The following SEC24B variants were observed in gnomAD, a reference collection of about 807,000 sequenced individuals.
SEC24B encodes SEC24 homolog B, COPII component, also known as protein transport protein Sec24B.
Under a neutral mutation model 142.8 loss-of-function variants are expected in SEC24B, and 45 were observed. The observed-to-expected ratio is 0.32, with a 90% CI of 0.25 to 0.40. The LOEUF (loss-of-function observed/expected upper bound fraction) is 0.40, where lower values mean the gene tolerates loss of function less well. Ranked by LOEUF, SEC24B falls within the 10% of genes least tolerant of loss-of-function variation. The pLI is 1.00. For synonymous variants in SEC24B, 574 were observed against 568.2 expected, an observed-to-expected ratio of 1.01 and a Z score of -0.15; for missense variants, 1,409 against 1,526.8, an observed-to-expected ratio of 0.92 and a Z score of 1.29.
intron 1 of SEC24B, among the ~76,000 whole-genome samples, chr4:109,439,704 T>C (rs1728758157): frequency 6.7e-6 from 1 of 150,344 alleles, no homozygotes; most frequent in Non-Finnish European, 1.5e-5. Flanking sequence ...TTTCACTATA[T>C]TGATCAGGCT....
intron 4 of SEC24B, among the ~76,000 whole-genome samples, chr4:109,487,182 A>G (rs1285972401): frequency 3.3e-5 from 5 of 151,816 alleles, no homozygotes; most frequent in Admixed American, 2.0e-4. Flanking sequence ...AAAAAAAAAA[A>G]AAGAAAAGTG....
At position 109,508,642 on chromosome 4, in the gene SEC24B, A is replaced by C. The variant is rs544177311; in HGVS notation, c.1674-1367A>C. ...ACCCATAGGTAAGGGGAAGGCATAC[A>C]TTTTTCTACCCAGTTATGTGTGTTT... On this transcript the variant is annotated intron_variant, in intron 7 of 23. Transcript: ENST00000265175. Among the ~76,000 whole-genome samples, 5 of 152,292 alleles carry C rather than the reference A, an allele frequency of 3.3e-5. No individual in the cohort carries two copies. The South Asian group carries it at 1.0e-3, about 32-fold the overall frequency.
At chr4:109,485,075 G>A (rs1734210991) in intron 4 of SEC24B, among the ~76,000 whole-genome samples, 1 of 152,024 alleles carries the variant, frequency 6.6e-6, no homozygotes, top group South Asian at 2.1e-4. Flanking sequence ...CTCACATCCC[G>A]ACTTTTCACT....
chr4:109,513,000 A>G (rs1471959486), intron 9 of SEC24B, among the ~76,000 whole-genome samples: 33 of 102,306 alleles, frequency 3.2e-4, no homozygotes, highest in Admixed American at 4.9e-4. Flanking sequence ...TTGGAGATGG[A>G]GTCTCACTCT....
intron 22 of SEC24B, among the ~76,000 whole-genome samples, chr4:109,535,364 C>CA (rs1355175820): frequency 6.8e-6 from 1 of 146,292 alleles, no homozygotes; most frequent in Non-Finnish European, 1.5e-5. Flanking sequence ...CCATCCTGGC[C>CA]AACATGGTGA....
chr4:109,471,419 A>G (rs1225700498), intron 2 of SEC24B, among the ~76,000 whole-genome samples: 1 of 152,180 alleles, frequency 6.6e-6, no homozygotes, highest in African/African-American at 2.4e-5. Flanking sequence ...TGCTGGGATT[A>G]TAGGTATGAG....
At chr4:109,487,173 A>AG (rs1734453448) in intron 4 of SEC24B, among the ~76,000 whole-genome samples, 1 of 151,806 alleles carries the variant, frequency 6.6e-6, no homozygotes. Context: ...CTCAAAAAAA[A>AG]AAAAAAAAAA....
intron 1 of SEC24B, among the ~76,000 whole-genome samples, chr4:109,451,376 A>G (rs1438768637): frequency 7.2e-6 from 1 of 139,838 alleles, no homozygotes; most frequent in South Asian, 2.3e-4. Context: ...TTTTTTTTTT[A>G]AAGAAATGGA....
chr4:109,527,261 C>T, intron 17 of SEC24B, 61 bp from the exon 18 acceptor site: 1 of 1,075,912 alleles, frequency 9.3e-7, no homozygotes. Context: ...AAGTATTTGA[C>T]ATGTTTGCTT....
chr4:109,439,654 A>G (rs1181258742), intron 1 of SEC24B, among the ~76,000 whole-genome samples: 1 of 149,896 alleles, frequency 6.7e-6, no homozygotes, highest in Non-Finnish European at 1.5e-5. Flanking sequence ...GGCATGCGCC[A>G]CCATGCCTGG....
At chr4:109,436,382 A>G (rs1412575949) in intron 1 of SEC24B, among the ~76,000 whole-genome samples, 5 of 152,216 alleles carry the variant, frequency 3.3e-5, no homozygotes, top group Non-Finnish European at 7.3e-5. Flanking sequence ...TAGCCTTTTA[A>G]TATATCTCTA....
At chr4:109,521,030 A>G (rs1723552914) in intron 12 of SEC24B, 87 bp from the exon 13 acceptor site, 1 of 809,854 alleles carries the variant, frequency 1.2e-6, no homozygotes, top group Non-Finnish European at 2.1e-6. Flanking sequence ...TATAGTACAC[A>G]TTACATGTAT....
intron 8 of SEC24B, 57 bp downstream of exon 8, chr4:109,510,168 T>C (rs1298909556): frequency 1.1e-5 from 9 of 829,780 alleles, no homozygotes; most frequent in African/African-American, 1.8e-5. Context: ...ATGTACAAGG[T>C]ACTTAAATTT....
chr4:109,477,565 A>G (rs1733306664), intron 3 of SEC24B, among the ~76,000 whole-genome samples: 1 of 152,048 alleles, frequency 6.6e-6, no homozygotes, highest in Non-Finnish European at 1.5e-5. Flanking sequence ...GGCTCGAGTG[A>G]TTATCCCACC....
At chr4:109,458,781 TAGC>T (rs1396162310) in intron 1 of SEC24B, among the ~76,000 whole-genome samples, 1 of 152,002 alleles carries the variant, frequency 6.6e-6, no homozygotes, top group South Asian at 2.1e-4. Context: ...ATCAGAATGT[TAGC>T]AGGTTATCTC....
chr4:109,510,721 GT>G (rs1737226625), intron 8 of SEC24B, among the ~76,000 whole-genome samples: 1 of 152,120 alleles, frequency 6.6e-6, no homozygotes, highest in South Asian at 2.1e-4. Context: ...AGTTTTAAAA[GT>G]TTTAAATTTT....
At chr4:109,447,917 T>C (rs1223517828) in intron 1 of SEC24B, among the ~76,000 whole-genome samples, 1 of 152,244 alleles carries the variant, frequency 6.6e-6, no homozygotes, top group African/African-American at 2.4e-5. Flanking sequence ...TTCTTGCCTT[T>C]GTCAGCTAGC....
rs1736696029 is a variant in SEC24B at position 109,506,432 on chromosome 4, G to A, written c.1593G>A (p.Arg531=). 5.0e-6 allele frequency: 8 copies of A among 1,609,860 alleles called. No individual in the cohort carries two copies. Among genetic ancestry groups the A allele is most frequent in the Non-Finnish European group, 6.8e-6 (8 of 1,177,708 alleles). The part of the protein sequence containing the change: ...SLRPVNLTQE[R]NILPMTPVWA... ...GACCTGTAAACCTTACTCAGGAGAG[G>A]AATATTTTACCTATGACTCCTGTTT... The change falls in exon 7 of 24, where the codon AGG becomes AGA. Residue 531 remains arginine (R), a synonymous_variant. Transcript: ENST00000265175.
At chr4:109,465,252 G>A (rs1352037368) in intron 2 of SEC24B, among the ~76,000 whole-genome samples, 2 of 152,174 alleles carry the variant, frequency 1.3e-5, no homozygotes, top group East Asian at 1.9e-4. Context: ...TCACAGTTCC[G>A]AAATCTGGCT....
Sources: gnomAD v4.1 joint callset for allele counts (sites outside exome capture counted in the v4.1 genomes callset) on GRCh38, gnomAD v4.1.1 for gene constraint, MANE v1.5 for transcripts, NCBI Gene and HGNC (gene_info 2026-07-23, HGNC 2026-07-21) for gene names.